Variants in KIAA0319 observed in about 807,000 individuals in gnomAD.
The protein encoded by KIAA0319 is dyslexia-associated protein KIAA0319.
Under a neutral mutation model 108.4 loss-of-function variants are expected in KIAA0319, and 83 were observed. The observed-to-expected ratio is 0.77, with a 90% CI of 0.64 to 0.92. The LOEUF is 0.92. KIAA0319 is among the 40% of genes least tolerant of loss of function. The pLI is 0.00. For missense variants in KIAA0319, 1,195 were observed against 1,322.4 expected, an observed-to-expected ratio of 0.90 and a Z score of 1.49; for synonymous variants, 484 against 510.4, an observed-to-expected ratio of 0.95 and a Z score of 0.70.
At chr6:24,611,121 G>A (rs920688458) in intron 1 of KIAA0319, among the ~76,000 whole-genome samples, 47 of 151,816 alleles carry the variant, frequency 3.1e-4, no homozygotes, top group African/African-American at 1.1e-3. Flanking sequence ...AGTTGTTCAG[G>A]GTTGGGAGAT....
chr6:24,595,546 C>CAAA (rs60291863), intron 3 of KIAA0319, among the ~76,000 whole-genome samples: 1,150 of 42,976 alleles, frequency 0.027, 189 homozygotes, highest in African/African-American at 0.063. Context: ...GATTCAATCT[C>CAAA]AAAAAAAAAA....
rs1760611266 is a variant in KIAA0319, at chr6:24,546,238, A to G, written c.*927T>C. 1 of 152,124 alleles carries G rather than the reference A, an allele frequency of 6.6e-6. No homozygotes were observed. Among genetic ancestry groups the G allele is most frequent in the Non-Finnish European group, 1.5e-5 (1 of 68,026 alleles). The allele number at this position is 152,124 out of a possible 1,614,324, so 9.4% of individuals were successfully genotyped here. On this transcript the variant is annotated 3_prime_UTR_variant, in exon 21 of 21. Transcript: ENST00000378214. ...CGCCATCCAAGTTAAGACTGACTGT[A>G]TTTCAGAGTTTTGGAATATATACAC...
intron 16 of KIAA0319, among the ~76,000 whole-genome samples, chr6:24,562,682 A>C (rs1297698845): frequency 1.3e-5 from 2 of 152,122 alleles, no homozygotes; most frequent in Non-Finnish European, 2.9e-5. Flanking sequence ...TCTACTAAAA[A>C]TACAGAAATT....
chr6:24,642,300 GA>G (rs1412165694), intron 1 of KIAA0319, among the ~76,000 whole-genome samples: 1 of 151,952 alleles, frequency 6.6e-6, no homozygotes, highest in African/African-American at 2.4e-5. Flanking sequence ...AAGAAGAAAA[GA>G]AAAGAAAGAC....
chr6:24,604,639 T>C (rs1438473833), intron 1 of KIAA0319, among the ~76,000 whole-genome samples: 5 of 152,210 alleles, frequency 3.3e-5, no homozygotes, highest in African/African-American at 9.7e-5. Flanking sequence ...ATTGTCATTA[T>C]CTCAGTGCAA....
chr6:24,557,241 C>T (rs1208711243), intron 17 of KIAA0319, among the ~76,000 whole-genome samples: 2 of 151,894 alleles, frequency 1.3e-5, no homozygotes, highest in Non-Finnish European at 2.9e-5. Context: ...GTTGCTCACG[C>T]CTGTAATCCC....
chr6:24,600,547 G>A, intron 2 of KIAA0319: 1 of 815,070 alleles, frequency 1.2e-6, no homozygotes, highest in Non-Finnish European at 2.0e-6. Context: ...TTATGGCTGT[G>A]TTACATTTGG....
At chr6:24,551,568 G>C (rs1225028896) in intron 19 of KIAA0319, 43 bp from the exon 20 acceptor site, 1 of 1,310,218 alleles carries the variant, frequency 7.6e-7, no homozygotes, top group East Asian at 2.3e-5. Flanking sequence ...CTTTAGAAAG[G>C]TAACTGAGAG....
intron 1 of KIAA0319, among the ~76,000 whole-genome samples, chr6:24,631,790 T>A (rs1169887265): frequency 6.6e-6 from 1 of 152,234 alleles, no homozygotes; most frequent in East Asian, 1.9e-4. Flanking sequence ...AAGTAAATTA[T>A]CACCTTTAGA....
chr6:24,582,972 A>G, intron 5 of KIAA0319: 1 of 591,280 alleles, frequency 1.7e-6, no homozygotes, highest in Non-Finnish European at 2.1e-6. Context: ...TCTGTGTATA[A>G]AATTTTGACC....
At chr6:24,628,830 G>GT (rs1487687112) in intron 1 of KIAA0319, among the ~76,000 whole-genome samples, 1 of 151,982 alleles carries the variant, frequency 6.6e-6, no homozygotes, top group African/African-American at 2.4e-5. Context: ...AGCTCTCCTT[G>GT]TGTGCCTCTG....
At chr6:24,547,637 GC>G (rs1760819258) in intron 20 of KIAA0319, among the ~76,000 whole-genome samples, 1 of 152,174 alleles carries the variant, frequency 6.6e-6, no homozygotes, top group South Asian at 2.1e-4. Flanking sequence ...AGATAACAAA[GC>G]ATCTACCCCA....
intron 1 of KIAA0319, among the ~76,000 whole-genome samples, chr6:24,626,866 G>A (rs115376816): frequency 6.6e-6 from 1 of 152,132 alleles, no homozygotes. Flanking sequence ...TGATGAAAAA[G>A]AGAATTTCCA....
chr6:24,566,858 G>T, intron 13 of KIAA0319, 110 bp from the exon 14 acceptor site: 2 of 1,024,056 alleles, frequency 2.0e-6, no homozygotes, highest in Non-Finnish European at 1.4e-6. Flanking sequence ...GATACAGTAT[G>T]TAGAATTAAA....
At chr6:24,576,325 C>T (rs998080189) in intron 10 of KIAA0319, 43 bp downstream of exon 10, 4 of 1,511,152 alleles carry the variant, frequency 2.6e-6, no homozygotes, top group African/African-American at 2.8e-5. Context: ...GGTAGACAGA[C>T]AGACAGACAG....
At chr6:24,619,051 G>A (rs1162873291) in intron 1 of KIAA0319, among the ~76,000 whole-genome samples, 1 of 152,192 alleles carries the variant, frequency 6.6e-6, no homozygotes, top group Admixed American at 6.5e-5. Flanking sequence ...AAAGGCTTGA[G>A]GCGGGGAATG....
chr6:24,639,621 G>A (rs9467243), intron 1 of KIAA0319, among the ~76,000 whole-genome samples: 13,345 of 152,162 alleles, frequency 0.088, 1,549 homozygotes, highest in East Asian at 0.49. Context: ...AGGCCAAGGC[G>A]GGCAGATCAC....
chr6:24,598,317 C>G (rs547415819), intron 2 of KIAA0319: 2 of 675,364 alleles, frequency 3.0e-6, no homozygotes, highest in East Asian at 5.7e-5. Flanking sequence ...AGGAGCAGAT[C>G]AAGACCATCA....
rs912194901 is a variant in KIAA0319, at chr6:24,642,805, G to A, written c.-106+2931C>T. Among the ~76,000 whole-genome samples the A allele has an allele frequency of 4.6e-5, 7 of 151,816 alleles. No individual in the cohort carries two copies. The South Asian group carries it at 6.2e-4, about 14-fold the overall frequency. On this transcript the variant is annotated intron_variant, in intron 1 of 20. Transcript: ENST00000378214. ...GCAATCTGGGCTCACCGCAACCTCC[G>A]CCTCCCGGAGTTCAAGTGATTCGCC...
Sources: gnomAD v4.1 joint callset for allele counts (sites outside exome capture counted in the v4.1 genomes callset) on GRCh38, gnomAD v4.1.1 for gene constraint, MANE v1.5 for transcripts, NCBI Gene and HGNC (gene_info 2026-07-23, HGNC 2026-07-21) for gene names.